SYCP2L: variants seen among roughly 807,000 people sequenced by gnomAD.
The protein encoded by SYCP2L is synaptonemal complex protein 2 like, also known as synaptonemal complex protein 2-like.
A neutral mutation model predicts 125.8 loss-of-function variants in SYCP2L; 98 were observed. That is an observed-to-expected ratio of 0.78 (90% CI 0.66 to 0.92). The LOEUF (loss-of-function observed/expected upper bound fraction) is 0.92. Ranked by LOEUF, SYCP2L falls within the 40% of genes least tolerant of loss-of-function variation. SYCP2L has a pLI of 0.00. For synonymous variants in SYCP2L, 317 were observed against 325.4 expected, an observed-to-expected ratio of 0.97 and a Z score of 0.28; for missense variants, 842 against 936.4, an observed-to-expected ratio of 0.90 and a Z score of 1.32.
chr6:10,891,613 CTGTGTGTGTGTGTGTG>C (rs3066124), intron 2 of SYCP2L, 32 bp downstream of exon 2: 60 of 119,438 alleles, frequency 5.0e-4, no homozygotes, highest in Middle Eastern at 2.6e-3. Flanking sequence ...TAATCTCTCT[CTGTGTGTGTGTGTGTG>C]TGTGTGTGTG....
intron 6 of SYCP2L, 64 bp from the exon 7 acceptor site, chr6:10,902,613 T>C (rs1199921161): frequency 7.4e-7 from 1 of 1,357,170 alleles, no homozygotes; most frequent in Non-Finnish European, 1.0e-6. Context: ...GCTCTGACCG[T>C]GTGTAGGAGT....
chr6:10,944,832 A>G (rs1781280827), intron 23 of SYCP2L, among the ~76,000 whole-genome samples: 1 of 152,038 alleles, frequency 6.6e-6, no homozygotes, highest in South Asian at 2.1e-4. Context: ...CTCCTGCCTC[A>G]GCCTCCCAAG....
chr6:10,920,397 A>G (rs549976482), intron 14 of SYCP2L, among the ~76,000 whole-genome samples: 19 of 152,074 alleles, frequency 1.2e-4, no homozygotes, highest in African/African-American at 4.3e-4. Context: ...TTTGTATTTT[A>G]GTAGAGATGG....
chr6:10,898,678 G>A, intron 5 of SYCP2L, 146 bp from the exon 6 acceptor site: 2 of 629,876 alleles, frequency 3.2e-6, no homozygotes, highest in Non-Finnish European at 5.8e-6. Flanking sequence ...AGTGATTAAG[G>A]CCCAGATAGG....
intron 21 of SYCP2L, among the ~76,000 whole-genome samples, chr6:10,941,243 C>T (rs1212763086): frequency 6.6e-6 from 1 of 152,122 alleles, no homozygotes; most frequent in Non-Finnish European, 1.5e-5. Flanking sequence ...CAGGCATGGG[C>T]AAGGACTTCG....
At chr6:10,967,999 AG>A (rs1200161106) in intron 29 of SYCP2L, among the ~76,000 whole-genome samples, 2 of 152,192 alleles carry the variant, frequency 1.3e-5, no homozygotes, top group Non-Finnish European at 2.9e-5. Flanking sequence ...GTGTTTGCTC[AG>A]GAGTTGTTAG....
intron 20 of SYCP2L, among the ~76,000 whole-genome samples, chr6:10,934,296 A>G (rs1168644632): frequency 6.6e-6 from 1 of 152,238 alleles, no homozygotes; most frequent in Non-Finnish European, 1.5e-5. Context: ...CTGTCTCAAT[A>G]TATACTTTAA....
chr6:10,913,379 C>A (rs1369270426), intron 14 of SYCP2L, among the ~76,000 whole-genome samples: 1 of 152,134 alleles, frequency 6.6e-6, no homozygotes, highest in Admixed American at 6.5e-5. Flanking sequence ...GTGCCTGCCC[C>A]CTCTACGGAG....
intron 21 of SYCP2L, among the ~76,000 whole-genome samples, chr6:10,935,831 T>G (rs2113366999): frequency 6.6e-6 from 1 of 152,302 alleles, no homozygotes; most frequent in East Asian, 1.9e-4. Flanking sequence ...TATTCAACTC[T>G]GCAGTTGTTG....
At chr6:10,929,236 G>T (rs1481682613) in intron 18 of SYCP2L, among the ~76,000 whole-genome samples, 2 of 152,088 alleles carry the variant, frequency 1.3e-5, no homozygotes, top group African/African-American at 4.8e-5. Flanking sequence ...GCTTTTCCTT[G>T]GAATACATGA....
intron 6 of SYCP2L, 53 bp from the exon 7 acceptor site, chr6:10,902,624 C>T: frequency 6.7e-7 from 1 of 1,496,644 alleles, no homozygotes; most frequent in African/African-American, 1.4e-5. Context: ...GTGTAGGAGT[C>T]ATTTTCTTAC....
chr6:10,911,849 T>TAGAATAGTA (rs1268169784), intron 12 of SYCP2L, among the ~76,000 whole-genome samples: 5 of 151,142 alleles, frequency 3.3e-5, no homozygotes, highest in Non-Finnish European at 7.4e-5. Context: ...AGTTGGATTG[T>TAGAATAGTA]AGAATAGTAA....
Position 10,907,685 on chromosome 6 carries a change from G to A in SYCP2L, c.819+1G>A, listed in dbSNP as rs1561683591. ...AATTAAGGATCGAGAATTTGAGACG[G>A]TGAGATTCCTGGCCATGCGAATTTC... On this transcript the variant is annotated splice_donor_variant, in intron 10 of 29. Coordinates refer to ENST00000283141, the MANE Select transcript of SYCP2L (RefSeq NM_001040274.3). LOFTEE classifies it high-confidence loss of function. The A allele has an allele frequency of 6.2e-7, 1 of 1,612,018 alleles. No homozygotes were observed.
At position 10,954,641 on chromosome 6, in the gene SYCP2L, C is replaced by G. The variant is rs572309968; in HGVS notation, c.1955-475C>G. On this transcript the variant is annotated intron_variant, in intron 23 of 29. Transcript: ENST00000283141. The surrounding 1 kb of genome is among the most constrained non-coding windows in gnomAD (Gnocchi z 4.8). The stretch of plus-strand genomic sequence containing the variant: ...TTCGAGTCTCTCAAAATCACTTGAG[C>G]TGTGAGGAGGCAAGATGGCCTCGTT... Among the ~76,000 whole-genome samples, 1 of 152,286 alleles carries G rather than the reference C, an allele frequency of 6.6e-6. No homozygotes were observed. The highest frequency in any genetic ancestry group is 2.1e-4 in the South Asian group (1 of 4,820).
At chr6:10,890,101 T>A (rs1445478710) in intron 1 of SYCP2L, among the ~76,000 whole-genome samples, 2 of 152,252 alleles carry the variant, frequency 1.3e-5, no homozygotes, top group African/African-American at 4.8e-5. Context: ...ATTTTCTTTA[T>A]CCATTCATCC....
At chr6:10,910,108 G>T in intron 10 of SYCP2L, 40 bp from the exon 11 acceptor site, 1 of 1,564,918 alleles carries the variant, frequency 6.4e-7, no homozygotes. Context: ...AAGACATCTT[G>T]ATTTTTTTTT....
At chr6:10,960,023 G>A (rs1781570964) in intron 26 of SYCP2L, among the ~76,000 whole-genome samples, 1 of 152,220 alleles carries the variant, frequency 6.6e-6, no homozygotes, top group African/African-American at 2.4e-5. Flanking sequence ...AGGTAGTGGA[G>A]GGATGGGTTT....
chr6:10,913,321 G>A (rs1247430060), intron 14 of SYCP2L, among the ~76,000 whole-genome samples: 1 of 152,134 alleles, frequency 6.6e-6, no homozygotes, highest in Non-Finnish European at 1.5e-5. Context: ...ACTGTGGTTA[G>A]TAAGGAAGAC....
Position 10,956,327 on chromosome 6 carries a change from A to G in SYCP2L, c.2163+85A>G, listed in dbSNP as rs373018974. The G allele has an allele frequency of 1.2e-3, 1,235 of 1,000,442 alleles. 8 individuals carry two copies. The highest frequency in any genetic ancestry group is 4.8e-3 in the Middle Eastern group (16 of 3,356). The allele number at this position is 1,000,442 out of a possible 1,614,324, so 62.0% of individuals were successfully genotyped here. ...AGTGAAATAAGCCAGACAGTACCAC[A>G]TGGTCTCACTTATATTGAAATCTAA... On this transcript the variant is annotated intron_variant, in intron 25 of 29. Transcript: ENST00000283141.
Sources: allele counts gnomAD v4.1 joint callset (sites outside exome capture counted in the v4.1 genomes callset), GRCh38; gene constraint gnomAD v4.1.1; non-coding constraint Gnocchi (gnomAD v3.1); transcripts MANE v1.5; gene names NCBI Gene and HGNC (gene_info 2026-07-23, HGNC 2026-07-21).